The following CASK variants were observed in gnomAD, a reference collection of about 807,000 sequenced individuals.
CASK encodes the protein peripheral plasma membrane protein CASK.
A neutral mutation model predicts 82.9 loss-of-function variants in CASK; 4 were observed. That is an observed-to-expected ratio of 0.05 (90% CI 0.02 to 0.11). The LOEUF (loss-of-function observed/expected upper bound fraction) is 0.11, where lower values mean the gene tolerates loss of function less well. CASK is among the 10% of genes least tolerant of loss of function. CASK has a pLI of 1.00. For synonymous variants in CASK, 259 were observed against 253.5 expected (o/e 1.02, Z -0.20); for missense variants, 358 against 720.9 (o/e 0.50, Z 5.76).
At chrX:41,921,284 T>C (rs901708661) in intron 1 of CASK, among the ~76,000 whole-genome samples, 1 of 112,123 alleles carries the variant, frequency 8.9e-6, no homozygotes, top group African/African-American at 3.2e-5. Context: ...TCATCAGAAA[T>C]GTAGCTTAGT....
chrX:41,809,386 C>T (rs995218753), intron 2 of CASK, among the ~76,000 whole-genome samples: 2 of 112,043 alleles, frequency 1.8e-5, no homozygotes, highest in Non-Finnish European at 3.8e-5. Context: ...CCCTCTGAGA[C>T]GAAGCTTCCA....
chrX:41,740,689 G>A (rs1325153610), intron 4 of CASK, among the ~76,000 whole-genome samples: 1 of 111,584 alleles, frequency 9.0e-6, no homozygotes, highest in East Asian at 2.8e-4. Flanking sequence ...CCTTGTTCCT[G>A]TACTAATCAC....
At chrX:41,771,029 A>G (rs2069236997) in intron 3 of CASK, among the ~76,000 whole-genome samples, 1 of 112,345 alleles carries the variant, frequency 8.9e-6, no homozygotes, top group Admixed American at 9.5e-5. Context: ...ATATCAATAC[A>G]CTGATTGAAA....
chrX:41,581,887 A>G (rs1321269014), intron 14 of CASK, among the ~76,000 whole-genome samples: 1 of 111,573 alleles, frequency 9.0e-6, no homozygotes, highest in South Asian at 3.7e-4. Flanking sequence ...TTAGGAGCAT[A>G]GGCTTTGGCG....
chrX:41,863,294 T>C (rs1283431424), intron 1 of CASK, among the ~76,000 whole-genome samples: 2 of 111,762 alleles, frequency 1.8e-5, no homozygotes, highest in East Asian at 5.6e-4. Flanking sequence ...TTAACCTCTA[T>C]ACTCCCTAGG....
At position 41,648,123 on chromosome X, in the gene CASK, C is replaced by T. The variant is rs143601947; in HGVS notation, c.832-11462G>A. Reference sequence around the variant, plus strand: ...TTCTTTTTCTCAGCATGGAACGTCCCTGAGAAAGAGAATGCGCACCTAGGA... The same window carrying T: ...TTCTTTTTCTCAGCATGGAACGTCCTTGAGAAAGAGAATGCGCACCTAGGA... On this transcript the variant is annotated intron_variant, in intron 8 of 26. Coordinates refer to ENST00000378163, the MANE Select transcript of CASK (RefSeq NM_001367721.1). Among the ~76,000 whole-genome samples the T allele has an allele frequency of 6.6e-3, 734 of 111,479 alleles. 12 individuals carry two copies. Among genetic ancestry groups the T allele is most frequent in the African/African-American group, 0.023 (703 of 30,683 alleles).
chrX:41,669,563 G>A (rs897932533), intron 6 of CASK, among the ~76,000 whole-genome samples: 20 of 111,667 alleles, frequency 1.8e-4, no homozygotes, highest in Admixed American at 9.5e-4. Context: ...TTATAATTAC[G>A]TAGTCTTAAC....
intron 22 of CASK, among the ~76,000 whole-genome samples, chrX:41,537,349 C>T (rs2064887645): frequency 9.0e-6 from 1 of 110,918 alleles, no homozygotes; most frequent in Non-Finnish European, 1.9e-5. Flanking sequence ...ATTAGGAAAG[C>T]ACTTAAAGAA....
At chrX:41,897,581 G>C (rs1404908660) in intron 1 of CASK, among the ~76,000 whole-genome samples, 1 of 111,358 alleles carries the variant, frequency 9.0e-6, no homozygotes. Flanking sequence ...AAGTCATGTA[G>C]TTGATGAATT....
intron 14 of CASK, among the ~76,000 whole-genome samples, chrX:41,583,653 G>T (rs1321228013): frequency 2.8e-5 from 3 of 106,569 alleles, no homozygotes; most frequent in Non-Finnish European, 5.8e-5. Flanking sequence ...CACCATGTTG[G>T]CCAGGCTGGT....
At chrX:41,873,912 T>A (rs1285408917) in intron 1 of CASK, among the ~76,000 whole-genome samples, 4 of 105,793 alleles carry the variant, frequency 3.8e-5, no homozygotes, top group African/African-American at 1.4e-4. Flanking sequence ...TGCCTCAGCC[T>A]CCTGAGTGGC....
At chrX:41,646,648 TC>T (rs2066763227) in intron 8 of CASK, among the ~76,000 whole-genome samples, 1 of 111,710 alleles carries the variant, frequency 9.0e-6, no homozygotes, top group African/African-American at 3.3e-5. Context: ...CATCCCACTC[TC>T]TCAGTATCAA....
intron 5 of CASK, chrX:41,676,158 C>T: frequency 8.7e-7 from 1 of 1,149,517 alleles, no homozygotes; most frequent in African/African-American, 1.8e-5. Flanking sequence ...ACTTTGCTCT[C>T]TGCTTGTGAA....
intron 5 of CASK, chrX:41,728,185 T>C (rs753100350): frequency 6.6e-5 from 24 of 363,553 alleles, no homozygotes; most frequent in Non-Finnish European, 1.1e-4. Flanking sequence ...TAAACATATA[T>C]TCATAAAACT....
At chrX:41,647,662 G>T (rs938543741) in intron 8 of CASK, among the ~76,000 whole-genome samples, 3 of 111,621 alleles carry the variant, frequency 2.7e-5, no homozygotes, top group East Asian at 2.8e-4. Flanking sequence ...CAGAAGGACC[G>T]GCTGAAACCA....
intron 2 of CASK, among the ~76,000 whole-genome samples, chrX:41,834,251 C>T (rs572396092): frequency 9.9e-5 from 11 of 111,202 alleles, no homozygotes; most frequent in Admixed American, 4.8e-4. Flanking sequence ...GATCTTGTAA[C>T]GCACCACAAT....
intron 5 of CASK, among the ~76,000 whole-genome samples, chrX:41,724,956 A>C (rs761153933): frequency 8.9e-6 from 1 of 111,914 alleles, no homozygotes; most frequent in Non-Finnish European, 1.9e-5. Context: ...TGAGCAGATA[A>C]TTTTTTCTTA....
At chrX:41,813,004 G>C (rs2070330461) in intron 2 of CASK, among the ~76,000 whole-genome samples, 1 of 111,243 alleles carries the variant, frequency 9.0e-6, no homozygotes, top group Admixed American at 9.6e-5. Flanking sequence ...ACTTCAAAGA[G>C]AATAAAATAC....
At chrX:41,719,084 T>G (rs1035603927) in intron 5 of CASK, among the ~76,000 whole-genome samples, 6 of 112,018 alleles carry the variant, frequency 5.4e-5, no homozygotes, top group African/African-American at 1.6e-4. Flanking sequence ...ACTATTAGCA[T>G]TTGAGGTAGT....
Sources: allele counts gnomAD v4.1 joint callset (sites outside exome capture counted in the v4.1 genomes callset), GRCh38; gene constraint gnomAD v4.1.1; transcripts MANE v1.5; gene names NCBI Gene and HGNC (gene_info 2026-07-23, HGNC 2026-07-21).